The following DVL1 variants were observed in gnomAD, a reference collection of about 807,000 sequenced individuals.
The protein encoded by DVL1 is segment polarity protein dishevelled homolog DVL-1.
In DVL1, 49 loss-of-function variants were observed where a neutral mutation model predicts 65.0. The ratio of observed to expected loss-of-function variants is 0.75; its 90% CI spans 0.60 to 0.96. The LOEUF is 0.96. Among genes scored for constraint, DVL1 ranks in the 40% least tolerant of loss-of-function variants. The pLI, the probability that DVL1 is intolerant of heterozygous loss-of-function variation, is 0.00. For missense variants in DVL1, 1,197 were observed against 1,045.4 expected (o/e 1.15, Z -2.00); for synonymous variants, 608 against 433.9 (o/e 1.40, Z -4.99).
Position 1,348,998 on chromosome 1 carries a change from A to C in DVL1, c.68T>G (p.Val23Gly). ...GGCCAGCGTGACGCGCTCGGGGGCC[A>C]CGGGCAGCTTGACCAGGTACGGCGT... ...EETPYLVKLP[V>G]APERVTLADF... Residue 23 changes from valine to glycine, a missense_variant, in exon 1 of 15, where the codon GTG (valine) becomes GGG (glycine). Physicochemically the swap from Val to Gly is moderately radical, Grantham distance 109. Coordinates refer to ENST00000378888, the MANE Select transcript of DVL1 (RefSeq NM_001330311.2). The C allele has an allele frequency of 6.3e-7, 1 of 1,577,550 alleles. No homozygotes were observed. The highest frequency in any genetic ancestry group is 1.4e-5 in the African/African-American group (1 of 72,122).
chr1:1,343,986 G>A (rs936838114), intron 1 of DVL1, among the ~76,000 whole-genome samples: 2 of 152,282 alleles, frequency 1.3e-5, no homozygotes, highest in South Asian at 2.1e-4. Context: ...CAGGGGACAC[G>A]AACCAGGAGG....
intron 14 of DVL1, 118 bp from the exon 15 acceptor site, chr1:1,336,633 TG>T (rs1643586072): frequency 1.5e-6 from 2 of 1,336,052 alleles, no homozygotes; most frequent in East Asian, 5.6e-5. Flanking sequence ...GACGGGTGGG[TG>T]GGGCAGCCAT....
chr1:1,336,508 T>G lies in DVL1; in HGVS notation c.1722A>C (p.Lys574Asn). ...GGCTGCTCCGGGTGGACCCACTGCTTTTGCTCCCTGGGAGTGAGAACAGGA... is the reference window on the plus strand; with the variant it reads ...GGCTGCTCCGGGTGGACCCACTGCTGTTGCTCCCTGGGAGTGAGAACAGGA... ...STGSQQSEGS[K>N]SSGSTRSSRR... Residue 574 changes from lysine to asparagine, a missense_variant, in exon 15 of 15, where the codon AAA becomes AAC. Coordinates refer to ENST00000378888, the MANE Select transcript of DVL1 (RefSeq NM_001330311.2). 1 of 1,515,498 alleles carries G rather than the reference T, an allele frequency of 6.6e-7. No individual in the cohort carries two copies. The highest frequency in any genetic ancestry group is 2.3e-5 in the East Asian group (1 of 43,116). 93.9% of individuals were successfully genotyped at this position (1,515,498 alleles called of 1,614,324 possible).
Position 1,343,262 on chromosome 1 carries a change from C to A in DVL1, c.171-504G>T, listed in dbSNP as rs868143825. Among the ~76,000 whole-genome samples, 639 of 151,124 alleles carry A rather than the reference C, an allele frequency of 4.2e-3. 7 individuals carry two copies. The highest frequency in any genetic ancestry group is 0.014 in the African/African-American group (556 of 40,788). On this transcript the variant is annotated intron_variant, in intron 1 of 14. Coordinates refer to ENST00000378888, the MANE Select transcript of DVL1 (RefSeq NM_001330311.2). The stretch of plus-strand genomic sequence containing the variant: ...ATCTGTTCCTGGGGCTTGGAGCCCC[C>A]CCCCCCCAGGGCTTCCCCCACACTG...
chr1:1,338,229 T>TTGGCGCCCC, intron 13 of DVL1, 40 bp downstream of exon 13: 2 of 1,522,370 alleles, frequency 1.3e-6, no homozygotes, highest in Non-Finnish European at 9.0e-7. Flanking sequence ...CCTCCGGCGT[T>TTGGCGCCCC]CCCCTCCCCC....
At chr1:1,341,567 C>A in intron 5 of DVL1, 100 bp downstream of exon 5, 2 of 1,418,930 alleles carry the variant, frequency 1.4e-6, no homozygotes, top group Admixed American at 2.2e-5. Flanking sequence ...CACGCACACA[C>A]GTGCAATGTG....
rs771190909 is a variant in DVL1, at chr1:1,342,132, G to A, written c.387C>T (p.Asp129=). 18 of 1,580,884 alleles carry A rather than the reference G, an allele frequency of 1.1e-5. No individual in the cohort carries two copies. Among genetic ancestry groups the A allele is most frequent in the Non-Finnish European group, 1.5e-5 (17 of 1,164,638 alleles). The part of the protein sequence containing the change: ...SFHPNVASSR[D]GMDNETGTES... ...CCGTGCCTGTCTCGTTGTCCATCCC[G>A]TCACGGCTGCTGGCCACATTTGGGC... The change falls in exon 4 of 15, where the codon GAC becomes GAT. Residue 129 remains aspartate (D), a synonymous_variant. Transcript: ENST00000378888.
chr1:1,338,995 T>C (rs1378448575), intron 11 of DVL1, among the ~76,000 whole-genome samples: 1 of 151,876 alleles, frequency 6.6e-6, no homozygotes, highest in Admixed American at 6.6e-5. Context: ...CTGTTAGTCG[T>C]GTTAATGGCA....
intron 14 of DVL1, 144 bp from the exon 15 acceptor site, chr1:1,336,659 A>G: frequency 8.8e-7 from 1 of 1,133,644 alleles, no homozygotes; most frequent in Non-Finnish European, 1.2e-6. Flanking sequence ...GCGCGAGGAC[A>G]GGGCCGGCAC....
At chr1:1,336,634 G>A in intron 14 of DVL1, 119 bp from the exon 15 acceptor site, 2 of 1,335,800 alleles carry the variant, frequency 1.5e-6, no homozygotes, top group Non-Finnish European at 2.0e-6. Flanking sequence ...ACGGGTGGGT[G>A]GGGCAGCCAT....
rs1203177549 is a variant in DVL1, at chr1:1,345,657, C to T, written c.171-2899G>A. 2.0e-5 allele frequency among the ~76,000 whole-genome samples: 3 copies of T among 152,200 alleles called. No homozygotes were observed. In the East Asian group the frequency reaches 5.8e-4, roughly 29 times the overall value. On this transcript the variant is annotated intron_variant, in intron 1 of 14. Transcript: ENST00000378888. ...GGGAGGAATCCACTCAGAGGCAGCG[C>T]CCTGGGAGCCAGCATGGCCACACAG...
rs757930549 is a variant in DVL1, at chr1:1,337,976, C to A, written c.1714+1G>T. The stretch of plus-strand genomic sequence containing the variant: ...AGGGCAGGTAGGGGCGGCGTTCTCA[C>A]CTTCACTCTGCTGACTCCCGGTGCT... On this transcript the variant is annotated splice_donor_variant, in intron 14 of 14. Coordinates refer to ENST00000378888, the MANE Select transcript of DVL1 (RefSeq NM_001330311.2). LOFTEE classifies it high-confidence loss of function. 6.2e-7 allele frequency: 1 copy of A among 1,610,968 alleles called. No homozygotes were observed. Among genetic ancestry groups the A allele is most frequent in the Non-Finnish European group, 8.5e-7 (1 of 1,179,422 alleles).
At position 1,339,399 on chromosome 1, in the gene DVL1, G is replaced by A; in HGVS notation, c.1095C>T (p.Ser365=). ...VRPIDPAAWL[S]HTAALTGALP... ...GGGCTCCTGTCAGTGCCGCCGTGTG[G>A]GACAGCCAGGCGGCGGGGTCGATGG... The change falls in exon 11 of 15, where the codon TCC becomes TCT. Residue 365 remains serine (S), a synonymous_variant. Transcript: ENST00000378888. The A allele has an allele frequency of 6.5e-7, 1 of 1,549,132 alleles. No homozygotes were observed. The highest frequency in any genetic ancestry group is 8.7e-7 in the Non-Finnish European group (1 of 1,146,726).
At chr1:1,337,418 C>T (rs1439130991) in intron 14 of DVL1, among the ~76,000 whole-genome samples, 1 of 152,162 alleles carries the variant, frequency 6.6e-6, no homozygotes, top group East Asian at 1.9e-4. Context: ...GCCAGGGGCA[C>T]AAGGCTAGGA....
chr1:1,344,229 C>T (rs1643886464), intron 1 of DVL1, among the ~76,000 whole-genome samples: 1 of 152,204 alleles, frequency 6.6e-6, no homozygotes, highest in African/African-American at 2.4e-5. Flanking sequence ...GGGACTTGGG[C>T]CCAGTGGAGA....
chr1:1,338,033 T>C lies in DVL1; in HGVS notation c.1658A>G (p.Tyr553Cys), dbSNP rs1336642409. The stretch of plus-strand genomic sequence containing the variant: ...GCCATAGCTAAAGCCCGGGTCCTGG[T>C]AGGCAGGCGGGAAGCAGGGTGGGGG... Reference protein sequence around the residue: ...PGPPPCFPPAYQDPGFSYGSG... With the variant: ...PGPPPCFPPACQDPGFSYGSG... The change falls in exon 14 of 15, where the codon TAC (tyrosine) becomes TGC (cysteine). Residue 553 changes from tyrosine to cysteine, a missense_variant. Coordinates refer to ENST00000378888, the MANE Select transcript of DVL1 (RefSeq NM_001330311.2). The C allele has an allele frequency of 1.2e-6, 2 of 1,611,586 alleles. No individual in the cohort carries two copies. The highest frequency in any genetic ancestry group is 1.3e-5 in the African/African-American group (1 of 74,822).
intron 1 of DVL1, among the ~76,000 whole-genome samples, chr1:1,344,343 G>T (rs958091223): frequency 6.6e-6 from 1 of 152,186 alleles, no homozygotes; most frequent in South Asian, 2.1e-4. Flanking sequence ...CCGACTGGCC[G>T]CTCCAGGTCC....
chr1:1,338,024 G>A lies in DVL1; in HGVS notation c.1667C>T (p.Pro556Leu), dbSNP rs756731811. 6.0e-5 allele frequency: 96 copies of A among 1,611,842 alleles called. No individual in the cohort carries two copies. The Admixed American group carries it at 9.2e-4, about 15-fold the overall frequency. The change falls in exon 14 of 15, where the codon CCG (proline) becomes CTG (leucine). Residue 556 changes from proline (P) to leucine (L), a missense_variant. Transcript: ENST00000378888. Reference protein sequence around the residue: ...PPCFPPAYQDPGFSYGSGSTG... With the variant: ...PPCFPPAYQDLGFSYGSGSTG... ...GCTGCCGCTGCCATAGCTAAAGCCC[G>A]GGTCCTGGTAGGCAGGCGGGAAGCA... is the stretch of plus-strand genomic sequence containing the variant.
At chr1:1,341,033 G>A (rs1569713398) in intron 5 of DVL1, among the ~76,000 whole-genome samples, 1 of 132,662 alleles carries the variant, frequency 7.5e-6, no homozygotes, top group African/African-American at 3.0e-5. Flanking sequence ...ATGCACCCCT[G>A]CACACACGCA....
Sources: gnomAD v4.1 joint callset for allele counts (sites outside exome capture counted in the v4.1 genomes callset) on GRCh38, gnomAD v4.1.1 for gene constraint, MANE v1.5 for transcripts, NCBI Gene and HGNC (gene_info 2026-07-23, HGNC 2026-07-21) for gene names.